The following CD82 variants were observed in gnomAD, a reference collection of about 807,000 sequenced individuals.
CD82 encodes CD82 antigen.
Under a neutral mutation model 37.4 loss-of-function variants are expected in CD82, and 36 were observed. The observed-to-expected ratio is 0.96, with a 90% confidence interval of 0.74 to 1.27. The LOEUF is 1.27. CD82 is among the 50% of genes most tolerant of loss of function. The probability of loss-of-function intolerance (pLI) is 0.00; values close to 1 mark genes in which losing one functional copy is unlikely to be tolerated. For missense variants in CD82, 340 were observed against 347.0 expected (o/e 0.98, Z 0.16); for synonymous variants, 158 against 137.4 (o/e 1.15, Z -1.05).
intron 3 of CD82, among the ~76,000 whole-genome samples, chr11:44,595,699 T>G (rs978205296): frequency 3.9e-5 from 6 of 152,094 alleles, no homozygotes; most frequent in African/African-American, 1.4e-4. Context: ...ATTAATTACT[T>G]GTTTGGGGAA....
intron 1 of CD82, chr11:44,585,391 G>GT: frequency 2.2e-6 from 1 of 448,182 alleles, no homozygotes; most frequent in Admixed American, 2.4e-5. Context: ...CATTTTACAG[G>GT]TGGGAAAGCT....
At chr11:44,568,477 C>T (rs2134609316) in intron 1 of CD82, among the ~76,000 whole-genome samples, 1 of 143,298 alleles carries the variant, frequency 7.0e-6, no homozygotes, top group Middle Eastern at 3.8e-3. Context: ...GGCATCTGGG[C>T]CGAAAGGTGG....
intron 1 of CD82, among the ~76,000 whole-genome samples, chr11:44,569,161 G>A (rs34647376): frequency 0.043 from 6,479 of 152,326 alleles, 196 homozygotes; most frequent in Middle Eastern, 0.085. Flanking sequence ...CACTAAGCCG[G>A]GGTCTGAGGA....
rs1287473840 is a variant in CD82 at position 44,618,678 on chromosome 11, C to G, written c.681C>G (p.Asn227Lys). The change falls in exon 9 of 10, where the codon AAC becomes AAG. Residue 227 changes from asparagine (N) to lysine (K), a missense_variant. Asn to Lys is a moderately conservative substitution (Grantham distance 94, BLOSUM62 0). Transcript: ENST00000227155. ...AGGTGCAGGCGTGGCTGCAGGAGAACCTGGGCATCATCCTCGGCGTGGGCG... is the reference window on the plus strand; with the variant it reads ...AGGTGCAGGCGTGGCTGCAGGAGAAGCTGGGCATCATCCTCGGCGTGGGCG... ...MEKVQAWLQE[N>K]LGIILGVGVG... 1 of 1,613,258 alleles carries G rather than the reference C, an allele frequency of 6.2e-7. No individual in the cohort carries two copies. Among genetic ancestry groups the G allele is most frequent in the East Asian group, 2.2e-5 (1 of 44,828 alleles).
In CD82 at chr11:44,619,219, C is replaced by T; in HGVS notation, c.*93C>T. 1 of 1,003,316 alleles carries T rather than the reference C, an allele frequency of 1.0e-6. No individual in the cohort carries two copies. 62.2% of individuals were successfully genotyped at this position (1,003,316 alleles called of 1,614,324 possible). On this transcript the variant is annotated 3_prime_UTR_variant, in exon 10 of 10. Coordinates refer to ENST00000227155, the MANE Select transcript of CD82 (RefSeq NM_002231.4). The stretch of plus-strand genomic sequence containing the variant: ...CCTCCTCCAGGCCTGCCTCCCACTT[C>T]ACTGCGAAGACCCTCTTGCCCATCC...
rs1179800182 is a variant in CD82 at position 44,594,809 on chromosome 11, A to G, written c.63+84A>G. ...CCCAGCCTGAGCCTTTCCAGAGCCG[A>G]CCGGGCCGGGGATTGGGGGGATTTG... On this transcript the variant is annotated intron_variant, in intron 3 of 9. Transcript: ENST00000227155. The G allele has an allele frequency of 1.9e-5, 22 of 1,166,104 alleles. 1 individual carries two copies. In the East Asian group the frequency reaches 5.1e-4, roughly 27 times the overall value. 72.2% of individuals were successfully genotyped at this position (1,166,104 alleles called of 1,614,324 possible).
At chr11:44,575,762 C>T (rs1186019930) in intron 1 of CD82, among the ~76,000 whole-genome samples, 1 of 152,118 alleles carries the variant, frequency 6.6e-6, no homozygotes, top group Non-Finnish European at 1.5e-5. Context: ...CCCCACCTCA[C>T]CACCCCTTCT....
At chr11:44,579,475 G>A (rs1852949455) in intron 1 of CD82, among the ~76,000 whole-genome samples, 1 of 152,094 alleles carries the variant, frequency 6.6e-6, no homozygotes, top group Admixed American at 6.5e-5. Flanking sequence ...CTCAGGGTCT[G>A]CAGGTTGGTG....
At chr11:44,579,578 C>A (rs1227019901) in intron 1 of CD82, among the ~76,000 whole-genome samples, 1 of 152,182 alleles carries the variant, frequency 6.6e-6, no homozygotes, top group Non-Finnish European at 1.5e-5. Context: ...CTGTACCTTG[C>A]TCTGCCCAAG....
intron 2 of CD82, among the ~76,000 whole-genome samples, chr11:44,588,159 AT>A (rs1451866669): frequency 6.6e-6 from 1 of 151,850 alleles, no homozygotes; most frequent in Non-Finnish European, 1.5e-5. Context: ...TGTGGCAGGC[AT>A]TTTGCCCTAA....
chr11:44,600,048 C>A, intron 3 of CD82, 110 bp from the exon 4 acceptor site: 1 of 986,698 alleles, frequency 1.0e-6, no homozygotes, highest in Non-Finnish European at 1.6e-6. Context: ...GGATGTGGTG[C>A]CCTCTGTGGC....
At chr11:44,582,957 A>C (rs1357223018) in intron 1 of CD82, among the ~76,000 whole-genome samples, 2 of 152,146 alleles carry the variant, frequency 1.3e-5, no homozygotes, top group Admixed American at 6.5e-5. Context: ...GCCCTACCCA[A>C]TCCCCTCCCT....
intron 1 of CD82, among the ~76,000 whole-genome samples, chr11:44,576,549 G>A (rs1001280561): frequency 1.3e-5 from 2 of 152,164 alleles, no homozygotes; most frequent in African/African-American, 2.4e-5. Context: ...ACGCAGAGAC[G>A]GTCAGCCCAA....
chr11:44,594,128 C>G (rs1853185928), intron 2 of CD82, among the ~76,000 whole-genome samples: 1 of 152,164 alleles, frequency 6.6e-6, no homozygotes, highest in African/African-American at 2.4e-5. Flanking sequence ...TGTTTATTCC[C>G]TTTGTAATAA....
At chr11:44,570,731 C>T (rs1224977757) in intron 1 of CD82, among the ~76,000 whole-genome samples, 3 of 152,164 alleles carry the variant, frequency 2.0e-5, no homozygotes, top group Non-Finnish European at 4.4e-5. Context: ...TATTACCCTC[C>T]TGAGAGGGGA....
rs550792729 is a variant in CD82 at position 44,597,214 on chromosome 11, G to A, written c.63+2489G>A. 9.7e-4 allele frequency among the ~76,000 whole-genome samples: 148 copies of A among 152,280 alleles called. No homozygotes were observed. The highest frequency in any genetic ancestry group is 3.1e-3 in the African/African-American group (129 of 41,544). ...GTATGTCTTTGCCTGTACTCCCTCT[G>A]GACTCCAGACTCCCCAGCGCATTGC... On this transcript the variant is annotated intron_variant, in intron 3 of 9. Coordinates refer to ENST00000227155, the MANE Select transcript of CD82 (RefSeq NM_002231.4). This position sits in a 1 kb window ranked among gnomAD's most constrained non-coding sequence, Gnocchi z 4.1.
At chr11:44,574,808 G>A (rs992616866) in intron 1 of CD82, among the ~76,000 whole-genome samples, 6 of 152,162 alleles carry the variant, frequency 3.9e-5, no homozygotes, top group African/African-American at 1.4e-4. Flanking sequence ...TTTCCCATGT[G>A]ATTGAGCATT....
At chr11:44,589,901 T>A (rs1853115046) in intron 2 of CD82, among the ~76,000 whole-genome samples, 1 of 152,032 alleles carries the variant, frequency 6.6e-6, no homozygotes, top group Admixed American at 6.6e-5. Context: ...TGGCGCGATC[T>A]CGGCTCACTG....
rs1415790352 is a variant in CD82, at chr11:44,611,343, C to T, written c.337-3929C>T. Among the ~76,000 whole-genome samples the T allele has an allele frequency of 2.0e-5, 3 of 152,202 alleles. No individual in the cohort carries two copies. The East Asian group carries it at 5.8e-4, about 29-fold the overall frequency. On this transcript the variant is annotated intron_variant, in intron 6 of 9. Transcript: ENST00000227155. ...AGCCCTACCCTCCTCTGTTGGCTCC[C>T]TTCTCGGGCAGGCTGTCCCCAGTGG...
Sources: gnomAD v4.1 joint callset for allele counts (sites outside exome capture counted in the v4.1 genomes callset) on GRCh38, gnomAD v4.1.1 for gene constraint, Gnocchi (gnomAD v3.1) non-coding constraint, MANE v1.5 for transcripts, NCBI Gene and HGNC (gene_info 2026-07-23, HGNC 2026-07-21) for gene names.